The following ARHGAP1 variants were observed in gnomAD, a reference collection of about 807,000 sequenced individuals.
ARHGAP1 encodes rho GTPase-activating protein 1.
Under a neutral mutation model 52.2 loss-of-function variants are expected in ARHGAP1, and 23 were observed. That is an observed-to-expected ratio of 0.44 (90% CI 0.32 to 0.62). The LOEUF (loss-of-function observed/expected upper bound fraction) is 0.62. Among genes scored for constraint, ARHGAP1 ranks in the 20% least tolerant of loss-of-function variants. The probability of loss-of-function intolerance (pLI) is 0.05; values close to 1 mark genes in which losing one functional copy is unlikely to be tolerated. For synonymous variants in ARHGAP1, 210 were observed against 228.4 expected (o/e 0.92, Z 0.73); for missense variants, 480 against 560.9 (o/e 0.86, Z 1.46).
intron 4 of ARHGAP1, among the ~76,000 whole-genome samples, chr11:46,686,115 T>C (rs1383058172): frequency 6.6e-6 from 1 of 151,374 alleles, no homozygotes; most frequent in African/African-American, 2.4e-5. Flanking sequence ...GGGATTATCT[T>C]GAGTAGCTAG....
Position 46,679,177 on chromosome 11 carries a change from C to G in ARHGAP1, c.1180G>C (p.Val394Leu), listed in dbSNP as rs775640402. Residue 394 changes from valine to leucine, a missense_variant, in exon 13 of 13, where the codon GTT becomes CTT. Physicochemically the swap from Val to Leu is conservative, Grantham distance 32. Coordinates refer to ENST00000311956, the MANE Select transcript of ARHGAP1 (RefSeq NM_004308.5). The surrounding 1 kb of genome is among the most constrained non-coding windows in gnomAD (Gnocchi z 4.4). ...CACAGCAGGTTAGGGCCGAAAACAACAGCCAGGTTAGTGTTGGTCATCTTG... is the reference window on the plus strand; with the variant it reads ...CACAGCAGGTTAGGGCCGAAAACAAGAGCCAGGTTAGTGTTGGTCATCTTG... ...QNKMTNTNLA[V>L]VFGPNLLWAK... The G allele has an allele frequency of 1.7e-5, 28 of 1,612,820 alleles. No individual in the cohort carries two copies. The South Asian group carries it at 3.0e-4, about 17-fold the overall frequency.
chr11:46,695,805 C>T, intron 2 of ARHGAP1, 50 bp from the exon 3 acceptor site: 2 of 1,555,258 alleles, frequency 1.3e-6, no homozygotes, highest in Non-Finnish European at 1.7e-6. Flanking sequence ...TGGCACCATG[C>T]TCTGCCCCAC....
chr11:46,700,157 TA>T (rs1253892789), intron 1 of ARHGAP1, among the ~76,000 whole-genome samples: 1 of 152,064 alleles, frequency 6.6e-6, no homozygotes, highest in East Asian at 1.9e-4. Context: ...AACTCCGTCT[TA>T]AAAAAATAAA....
In ARHGAP1 at chr11:46,695,733, C is replaced by T. The variant is rs554016754; in HGVS notation, c.156G>A (p.Pro52=). 567 of 1,552,216 alleles carry T rather than the reference C, an allele frequency of 3.7e-4. 8 individuals carry two copies. In the South Asian group the frequency reaches 6.0e-3, roughly 16 times the overall value. Reference sequence around the variant, plus strand: ...CCCACTTCAGGTGTGTGACAAGTTCCGGGGAGCTGCTTTTGGAGTCATCTG... The same window carrying T: ...CCCACTTCAGGTGTGTGACAAGTTCTGGGGAGCTGCTTTTGGAGTCATCTG... The part of the protein sequence containing the change: ...PKSDDSKSSS[P]ELVTHLKWDD... Residue 52 remains proline, a synonymous_variant, in exon 3 of 13, where the codon CCG becomes CCA. Transcript: ENST00000311956.
At chr11:46,684,240 TAAAG>T (rs1415080446) in intron 4 of ARHGAP1, among the ~76,000 whole-genome samples, 2 of 152,230 alleles carry the variant, frequency 1.3e-5, no homozygotes, top group African/African-American at 4.8e-5. Flanking sequence ...AGCTGTCGCA[TAAAG>T]AGATTGCATT....
At chr11:46,700,237 A>T (rs1385794789) in intron 1 of ARHGAP1, among the ~76,000 whole-genome samples, 1 of 152,228 alleles carries the variant, frequency 6.6e-6, no homozygotes, top group Non-Finnish European at 1.5e-5. Flanking sequence ...TCTTCTTCTT[A>T]GTGCTTTGCC....
In ARHGAP1 at chr11:46,681,251, C is replaced by G; in HGVS notation, c.536+42G>C. The stretch of plus-strand genomic sequence containing the variant: ...TGCCCAGCCTCCCAGCTTCAGAGTT[C>G]CAGGCAAGCCGGGACCACCAGCCCT... On this transcript the variant is annotated intron_variant, in intron 6 of 12. Transcript: ENST00000311956. This position sits in a 1 kb window ranked among gnomAD's most constrained non-coding sequence, Gnocchi z 5.7. 1 of 1,579,408 alleles carries G rather than the reference C, an allele frequency of 6.3e-7. No homozygotes were observed.
At chr11:46,697,941 G>A (rs541226108) in intron 1 of ARHGAP1, among the ~76,000 whole-genome samples, 1 of 152,224 alleles carries the variant, frequency 6.6e-6, no homozygotes, top group South Asian at 2.1e-4. Context: ...GCTCCCCATA[G>A]CGACCTCCAG....
At chr11:46,695,573 G>C in intron 3 of ARHGAP1, 87 bp downstream of exon 3, 1 of 1,365,830 alleles carries the variant, frequency 7.3e-7, no homozygotes, top group South Asian at 1.3e-5. Context: ...TCAGACTGCA[G>C]AGAGGCCCTT....
At position 46,679,131 on chromosome 11, in the gene ARHGAP1, G is replaced by T; in HGVS notation, c.1226C>A (p.Thr409Asn). 1 of 1,614,132 alleles carries T rather than the reference G, an allele frequency of 6.2e-7. No individual in the cohort carries two copies. The highest frequency in any genetic ancestry group is 8.5e-7 in the Non-Finnish European group (1 of 1,179,978). Reference sequence around the variant, plus strand: ...GTTGATGGGATTAATGGCCTTGAGGGTGATGGCCGCATCCTTGGCCCACAG... The same window carrying T: ...GTTGATGGGATTAATGGCCTTGAGGTTGATGGCCGCATCCTTGGCCCACAG... ...NLLWAKDAAI[T>N]LKAINPINTF... The change falls in exon 13 of 13, where the codon ACC becomes AAC. Residue 409 changes from threonine to asparagine, a missense_variant. Physicochemically the swap from Thr to Asn is moderately conservative, Grantham distance 65. Coordinates refer to ENST00000311956, the MANE Select transcript of ARHGAP1 (RefSeq NM_004308.5). This position sits in a 1 kb window ranked among gnomAD's most constrained non-coding sequence, Gnocchi z 4.4.
intron 4 of ARHGAP1, among the ~76,000 whole-genome samples, chr11:46,684,640 G>T (rs969783712): frequency 3.3e-5 from 5 of 152,132 alleles, no homozygotes; most frequent in Non-Finnish European, 7.4e-5. Flanking sequence ...CCCTTTGTAG[G>T]GTGTGAGTGA....
At position 46,678,726 on chromosome 11, in the gene ARHGAP1, G is replaced by A. The variant is rs534530128; in HGVS notation, c.*311C>T. The A allele has an allele frequency of 1.2e-4, 43 of 348,262 alleles. No individual in the cohort carries two copies. Among genetic ancestry groups the A allele is most frequent in the Admixed American group, 4.1e-4 (9 of 22,186 alleles). The allele number at this position is 348,262 out of a possible 1,614,324, so 21.6% of individuals were successfully genotyped here. On this transcript the variant is annotated 3_prime_UTR_variant, in exon 13 of 13. Coordinates refer to ENST00000311956, the MANE Select transcript of ARHGAP1 (RefSeq NM_004308.5). Reference sequence around the variant, plus strand: ...ATCCACACTTGCTAGGGAAACAGAGGCAGGAAAAAGCAGGAAAGGGGTTAC... The same window carrying A: ...ATCCACACTTGCTAGGGAAACAGAGACAGGAAAAAGCAGGAAAGGGGTTAC...
At chr11:46,683,939 C>A in intron 4 of ARHGAP1, among the ~76,000 whole-genome samples, 1 of 152,192 alleles carries the variant, frequency 6.6e-6, no homozygotes, top group East Asian at 1.9e-4. Flanking sequence ...TGCGCCCGGC[C>A]ATAGAGCCCT....
Position 46,679,859 on chromosome 11 carries a change from G to T in ARHGAP1, c.899-83C>A. 1 of 1,586,392 alleles carries T rather than the reference G, an allele frequency of 6.3e-7. No individual in the cohort carries two copies. Among genetic ancestry groups the T allele is most frequent in the South Asian group, 1.1e-5 (1 of 88,034 alleles). Reference sequence around the variant, plus strand: ...GCAGACAACGCGGGCCGCACTGCCTGACTGCCCCTGGACACTGCATAAGCC... The same window carrying T: ...GCAGACAACGCGGGCCGCACTGCCTTACTGCCCCTGGACACTGCATAAGCC... On this transcript the variant is annotated intron_variant, in intron 10 of 12. Transcript: ENST00000311956. This position sits in a 1 kb window ranked among gnomAD's most constrained non-coding sequence, Gnocchi z 4.4.
At chr11:46,693,157 C>G (rs1030137589) in intron 3 of ARHGAP1, among the ~76,000 whole-genome samples, 2 of 151,418 alleles carry the variant, frequency 1.3e-5, no homozygotes. Context: ...TGGCCTTAAC[C>G]CCAGCTAATT....
In ARHGAP1 at chr11:46,682,101, G is replaced by C. The variant is rs200896739; in HGVS notation, c.399C>G (p.Asn133Lys). 2 of 1,614,226 alleles carry C rather than the reference G, an allele frequency of 1.2e-6. No individual in the cohort carries two copies. Among genetic ancestry groups the C allele is most frequent in the African/African-American group, 1.3e-5 (1 of 75,076 alleles). Residue 133 changes from asparagine to lysine, a missense_variant, in exon 5 of 13, where the codon AAC becomes AAG. By Grantham distance (94) the Asn-to-Lys change is moderately conservative (BLOSUM62 0). Transcript: ENST00000311956. ...CACGGAGCCAGCTGAGGGAGGGCTT[G>C]TTGTCGCTGGTCAGGCCGTGGTGCA... ...LYLHHGLTSD[N>K]KPSLSWLRDA...
chr11:46,695,337 G>T, intron 3 of ARHGAP1: 1 of 391,484 alleles, frequency 2.6e-6, no homozygotes, highest in East Asian at 6.4e-5. Context: ...CAACATTAGG[G>T]TGGAGGGGTA....
rs1225428473 is a variant in ARHGAP1 at position 46,681,486 on chromosome 11, G to T, written c.450-107C>A. 4.9e-6 allele frequency: 4 copies of T among 813,554 alleles called. No homozygotes were observed. The highest frequency in any genetic ancestry group is 1.9e-5 in the Admixed American group (1 of 51,688). 50.4% of individuals were successfully genotyped at this position (813,554 alleles called of 1,614,324 possible). A position where few individuals can be genotyped will look rare whatever the true frequency, so the allele number is the denominator to read the frequency against. On this transcript the variant is annotated intron_variant, in intron 5 of 12. Coordinates refer to ENST00000311956, the MANE Select transcript of ARHGAP1 (RefSeq NM_004308.5). The surrounding 1 kb of genome is among the most constrained non-coding windows in gnomAD (Gnocchi z 5.7). ...TTTGAGACAGAGTCTCCTTCACCCA[G>T]GCTGGAGTGTGATCTCAGCTCATTG...
intron 3 of ARHGAP1, among the ~76,000 whole-genome samples, chr11:46,692,544 G>C (rs969378865): frequency 6.6e-6 from 1 of 152,166 alleles, no homozygotes; most frequent in Non-Finnish European, 1.5e-5. Context: ...AAGCTGTTGG[G>C]GGGAGGGCTG....
Sources: allele counts gnomAD v4.1 joint callset (sites outside exome capture counted in the v4.1 genomes callset), GRCh38; gene constraint gnomAD v4.1.1; non-coding constraint Gnocchi (gnomAD v3.1); transcripts MANE v1.5; gene names NCBI Gene and HGNC (gene_info 2026-07-23, HGNC 2026-07-21).